The following GRM7 variants were observed in gnomAD, a reference collection of about 807,000 sequenced individuals.
GRM7 encodes glutamate metabotropic receptor 7.
A neutral mutation model predicts 84.5 loss-of-function variants in GRM7; 35 were observed. The observed-to-expected ratio is 0.41, with a 90% CI of 0.32 to 0.55. The LOEUF (loss-of-function observed/expected upper bound fraction) is 0.55. GRM7 is among the 20% of genes least tolerant of loss of function. The pLI is 0.19. For missense variants in GRM7, 1,003 were observed against 1,194.6 expected, an observed-to-expected ratio of 0.84 and a Z score of 2.36; for synonymous variants, 487 against 455.1, an observed-to-expected ratio of 1.07 and a Z score of -0.89.
intron 7 of GRM7, among the ~76,000 whole-genome samples, chr3:7,478,817 C>T (rs1356875100): frequency 6.6e-6 from 1 of 152,158 alleles, no homozygotes; most frequent in East Asian, 1.9e-4. Flanking sequence ...CCCATCTCCC[C>T]CCAGGCATGC....
At chr3:6,868,501 C>T (rs890710358) in intron 1 of GRM7, among the ~76,000 whole-genome samples, 1 of 152,194 alleles carries the variant, frequency 6.6e-6, no homozygotes, top group African/African-American at 2.4e-5. Context: ...CCTTATACAA[C>T]AAGTAGCCCC....
chr3:7,697,086 G>A (rs1701050993), intron 9 of GRM7, among the ~76,000 whole-genome samples: 2 of 151,980 alleles, frequency 1.3e-5, no homozygotes, highest in Admixed American at 6.6e-5. Context: ...AAAGAACCAT[G>A]TCTTTCTTTC....
In GRM7 at chr3:7,197,323, G is replaced by A. The variant is rs186891374; in HGVS notation, c.736+50655G>A. ...CTCACCAGTTACATCCAATAAAGAT[G>A]CAAATAACATTCTTTTCAATATTTA... is the stretch of plus-strand genomic sequence containing the variant. On this transcript the variant is annotated intron_variant, in intron 2 of 9. Coordinates refer to ENST00000357716, the MANE Select transcript of GRM7 (RefSeq NM_000844.4). Among the ~76,000 whole-genome samples, 527 of 152,264 alleles carry A rather than the reference G, an allele frequency of 3.5e-3. 1 individual carries two copies. The highest frequency in any genetic ancestry group is 9.1e-3 in the African/African-American group (378 of 41,542).
intron 2 of GRM7, among the ~76,000 whole-genome samples, chr3:7,212,642 A>G (rs1266488533): frequency 2.0e-5 from 3 of 152,242 alleles, no homozygotes; most frequent in African/African-American, 4.8e-5. Flanking sequence ...CAGCTGAAAG[A>G]AAACTTTATC....
chr3:7,187,520 G>A (rs189338231), intron 2 of GRM7, among the ~76,000 whole-genome samples: 42 of 152,266 alleles, frequency 2.8e-4, no homozygotes, highest in Non-Finnish European at 4.7e-4. Context: ...GCAAGTCAGT[G>A]GTAGAATAGA....
At position 6,923,296 on chromosome 3, in the gene GRM7, T is replaced by A. The variant is rs1462241457; in HGVS notation, c.519+61389T>A. Among the ~76,000 whole-genome samples, 3 of 150,104 alleles carry A rather than the reference T, an allele frequency of 2.0e-5. No homozygotes were observed. The Admixed American group carries it at 2.0e-4, about 10-fold the overall frequency. On this transcript the variant is annotated intron_variant, in intron 1 of 9. Coordinates refer to ENST00000357716, the MANE Select transcript of GRM7 (RefSeq NM_000844.4). ...TCCCAAACTGCTGGGATTACAGGCG[T>A]GAGCTACCACGCCCAGCCCACACGA...
In GRM7 at chr3:7,344,927, T is replaced by C. The variant is rs1359029445; in HGVS notation, c.1033+38275T>C. On this transcript the variant is annotated intron_variant, in intron 4 of 9. Coordinates refer to ENST00000357716, the MANE Select transcript of GRM7 (RefSeq NM_000844.4). Reference sequence around the variant, plus strand: ...AAAACTGGACGAGAGGATTTTTGAATGTTCCCTATACAAATGTTAAATGTT... The same window carrying C: ...AAAACTGGACGAGAGGATTTTTGAACGTTCCCTATACAAATGTTAAATGTT... 2.6e-5 allele frequency among the ~76,000 whole-genome samples: 4 copies of C among 152,172 alleles called. No individual in the cohort carries two copies. In the East Asian group the frequency reaches 7.7e-4, roughly 29 times the overall value.
At chr3:6,891,120 A>G (rs907651927) in intron 1 of GRM7, among the ~76,000 whole-genome samples, 45 of 152,194 alleles carry the variant, frequency 3.0e-4, no homozygotes, top group Non-Finnish European at 4.7e-4. Flanking sequence ...TTGAGCCTAT[A>G]TGTGTCTCTG....
In GRM7 at chr3:7,686,372, TAAGA is replaced by T. The variant is rs1207157459; in HGVS notation, c.2698+6082_2698+6085del. The T allele has an allele frequency of 9.6e-6, 14 of 1,455,892 alleles. No homozygotes were observed. The Admixed American group carries it at 1.7e-4, about 17-fold the overall frequency. The allele number at this position is 1,455,892 out of a possible 1,614,324, so 90.2% of individuals were successfully genotyped here. On this transcript the variant is annotated intron_variant, in intron 9 of 9. Transcript: ENST00000357716. Reference sequence around the variant, plus strand: ...TTTCCTGTAGACTGTATACCACCAGTAAGAAAGAGTGTACAAAAGTCTGTTACTT... The same window carrying T: ...TTTCCTGTAGACTGTATACCACCAGTAAGAGTGTACAAAAGTCTGTTACTT...
chr3:7,129,327 C>G (rs561004740), intron 1 of GRM7, among the ~76,000 whole-genome samples: 2 of 152,294 alleles, frequency 1.3e-5, no homozygotes, highest in African/African-American at 4.8e-5. Flanking sequence ...TTTACAAGTT[C>G]TCTAGCCTAA....
chr3:7,114,079 C>A (rs911603523), intron 1 of GRM7, among the ~76,000 whole-genome samples: 2 of 152,076 alleles, frequency 1.3e-5, no homozygotes, highest in Admixed American at 6.6e-5. Flanking sequence ...TTTTTAAAAT[C>A]AGCTGTGTCA....
At chr3:7,447,064 T>C (rs182526225) in intron 5 of GRM7, among the ~76,000 whole-genome samples, 25 of 151,870 alleles carry the variant, frequency 1.6e-4, no homozygotes, top group Non-Finnish European at 3.1e-4. Context: ...GTAAAAGTAA[T>C]AATGAGAAGA....
intron 8 of GRM7, among the ~76,000 whole-genome samples, chr3:7,666,626 A>G (rs1467804472): frequency 1.3e-5 from 2 of 152,172 alleles, no homozygotes; most frequent in Non-Finnish European, 2.9e-5. Context: ...AGAACTTAAA[A>G]ATGGTAGCCA....
intron 9 of GRM7, among the ~76,000 whole-genome samples, chr3:7,734,760 A>G (rs1239210040): frequency 6.6e-6 from 1 of 152,132 alleles, no homozygotes; most frequent in East Asian, 1.9e-4. Flanking sequence ...GAATGTCTCC[A>G]TTTTTTTGGT....
intron 5 of GRM7, among the ~76,000 whole-genome samples, chr3:7,443,927 G>T (rs1224559204): frequency 6.6e-6 from 1 of 152,092 alleles, no homozygotes; most frequent in Non-Finnish European, 1.5e-5. Context: ...ACATACGTAT[G>T]CAATGCCATT....
intron 9 of GRM7, among the ~76,000 whole-genome samples, chr3:7,731,461 C>T (rs1313407851): frequency 6.6e-6 from 1 of 152,176 alleles, no homozygotes; most frequent in African/African-American, 2.4e-5. Context: ...TAACAGTAAG[C>T]GAGCTAACTC....
chr3:7,657,425 C>T (rs1169989601), intron 8 of GRM7, among the ~76,000 whole-genome samples: 1 of 152,116 alleles, frequency 6.6e-6, no homozygotes, highest in East Asian at 1.9e-4. Context: ...ACTATTTACC[C>T]AATCCAATTA....
chr3:7,488,449 A>T (rs146008856), intron 7 of GRM7, among the ~76,000 whole-genome samples: 108 of 152,250 alleles, frequency 7.1e-4, no homozygotes, highest in African/African-American at 2.4e-3. Flanking sequence ...GTCATGAGGG[A>T]TCTACTCTCA....
At chr3:7,215,770 A>G (rs1310282349) in intron 2 of GRM7, among the ~76,000 whole-genome samples, 1 of 152,208 alleles carries the variant, frequency 6.6e-6, no homozygotes, top group Non-Finnish European at 1.5e-5. Flanking sequence ...ATGGGTCTTA[A>G]AGGCTAGACA....
Sources: allele counts gnomAD v4.1 joint callset (sites outside exome capture counted in the v4.1 genomes callset), GRCh38; gene constraint gnomAD v4.1.1; transcripts MANE v1.5; gene names NCBI Gene and HGNC (gene_info 2026-07-23, HGNC 2026-07-21).